ZCCHC4: variants seen among roughly 807,000 people sequenced by gnomAD.
The protein encoded by ZCCHC4 is zinc finger CCHC-type containing 4, also known as rRNA N(6)-adenosine-methyltransferase ZCCHC4.
A neutral mutation model predicts 67.7 loss-of-function variants in ZCCHC4; 54 were observed. The ratio of observed to expected loss-of-function variants is 0.80; its 90% CI spans 0.64 to 1.00. ZCCHC4 has a LOEUF of 1.00. Ranked by LOEUF, ZCCHC4 falls within the 50% of genes least tolerant of loss-of-function variation. The probability of loss-of-function intolerance (pLI) is 0.00; values close to 1 mark genes in which losing one functional copy is unlikely to be tolerated. For synonymous variants in ZCCHC4, 198 were observed against 213.5 expected, an observed-to-expected ratio of 0.93 and a Z score of 0.63; for missense variants, 609 against 617.0, an observed-to-expected ratio of 0.99 and a Z score of 0.14.
At chr4:25,334,116 G>A (rs1298264427) in intron 5 of ZCCHC4, 128 bp downstream of exon 5, 1 of 538,498 alleles carries the variant, frequency 1.9e-6, no homozygotes, top group Non-Finnish European at 3.0e-6. Flanking sequence ...TTTGTTATGA[G>A]GAAACTTTTT....
chr4:25,313,368 T>C (rs1381392218), intron 1 of ZCCHC4, among the ~76,000 whole-genome samples: 1 of 152,176 alleles, frequency 6.6e-6, no homozygotes, highest in Non-Finnish European at 1.5e-5. Flanking sequence ...AGCTCAAAGC[T>C]CAGGTTTTCA....
rs756557602 is a variant in ZCCHC4, at chr4:25,333,423, C to T, written c.570C>T (p.Leu190=). ...CQFLVDLLSA[L]GFRRVLCVGT... ...TCTTGGTAGACTTACTTTCTGCCCT[C>T]GGATTCAGAAGAGTACTGTGTGTTG... The change falls in exon 4 of 13, where the codon CTC becomes CTT. Residue 190 remains leucine, a synonymous_variant. Transcript: ENST00000302874. The T allele has an allele frequency of 5.6e-6, 9 of 1,613,980 alleles. No homozygotes were observed. The highest frequency in any genetic ancestry group is 4.0e-5 in the African/African-American group (3 of 74,918).
At position 25,320,504 on chromosome 4, in the gene ZCCHC4, C is replaced by A. The variant is rs543768877; in HGVS notation, c.329+5104C>A. Among the ~76,000 whole-genome samples, 4 of 152,236 alleles carry A rather than the reference C, an allele frequency of 2.6e-5. No homozygotes were observed. In the South Asian group the frequency reaches 8.3e-4, roughly 32 times the overall value. Reference sequence around the variant, plus strand: ...TAAAAATGACATTTCAAAATGCTAGCCTGCAATTTGTGAATCATGCTGAGC... The same window carrying A: ...TAAAAATGACATTTCAAAATGCTAGACTGCAATTTGTGAATCATGCTGAGC... On this transcript the variant is annotated intron_variant, in intron 3 of 12. Transcript: ENST00000302874.
In ZCCHC4 at chr4:25,312,815, G is replaced by A. The variant is rs750036484; in HGVS notation, c.6G>A (p.Ala2=). 2.2e-5 allele frequency: 35 copies of A among 1,613,060 alleles called. No individual in the cohort carries two copies. Among genetic ancestry groups the A allele is most frequent in the Non-Finnish European group, 8.5e-6 (10 of 1,179,984 alleles). Residue 2 remains alanine (A), a synonymous_variant, in exon 1 of 13, where the codon GCG becomes GCA. Coordinates refer to ENST00000302874, the MANE Select transcript of ZCCHC4 (RefSeq NM_024936.3). M[A]ASRNGFEAVE... ...TTCGGGACGGCGGCGGGAAGATGGCGGCCTCCAGGAATGGGTTTGAAGCCG... is the reference window on the plus strand; with the variant it reads ...TTCGGGACGGCGGCGGGAAGATGGCAGCCTCCAGGAATGGGTTTGAAGCCG...
chr4:25,322,313 A>G (rs316771), intron 3 of ZCCHC4, among the ~76,000 whole-genome samples: 126,211 of 152,038 alleles, frequency 0.83, 52,740 homozygotes, highest in African/African-American at 0.92. Flanking sequence ...AGGAAACCTC[A>G]TGCCTGTCAG....
intron 2 of ZCCHC4, among the ~76,000 whole-genome samples, chr4:25,314,633 C>T (rs1718154856): frequency 6.6e-6 from 1 of 152,184 alleles, no homozygotes; most frequent in African/African-American, 2.4e-5. Context: ...CAAGCACTGT[C>T]TGTCTTAGAA....
intron 2 of ZCCHC4, among the ~76,000 whole-genome samples, chr4:25,314,776 A>G (rs990032014): frequency 6.6e-6 from 1 of 152,210 alleles, no homozygotes; most frequent in Non-Finnish European, 1.5e-5. Flanking sequence ...CATTCAGTCG[A>G]TAGCACCGTT....
intron 8 of ZCCHC4, among the ~76,000 whole-genome samples, chr4:25,353,534 C>T (rs191888166): frequency 7.2e-5 from 11 of 152,288 alleles, no homozygotes; most frequent in East Asian, 1.9e-4. Flanking sequence ...ACTACGTAAA[C>T]GGGTTCTAGT....
intron 6 of ZCCHC4, among the ~76,000 whole-genome samples, chr4:25,346,286 G>A (rs886883479): frequency 4.0e-5 from 6 of 151,824 alleles, no homozygotes; most frequent in African/African-American, 1.2e-4. Context: ...TCAATTTGAG[G>A]TTAATAATGT....
At chr4:25,329,667 T>C (rs1719078993) in intron 3 of ZCCHC4, among the ~76,000 whole-genome samples, 1 of 151,766 alleles carries the variant, frequency 6.6e-6, no homozygotes, top group African/African-American at 2.4e-5. Context: ...CCCGAGTAGC[T>C]GGGACTATAG....
At chr4:25,340,695 GT>G (rs1214337484) in intron 5 of ZCCHC4, among the ~76,000 whole-genome samples, 1 of 152,056 alleles carries the variant, frequency 6.6e-6, no homozygotes, top group Non-Finnish European at 1.5e-5. Context: ...CAGTATGTAA[GT>G]TTTGTGCTTC....
intron 5 of ZCCHC4, among the ~76,000 whole-genome samples, chr4:25,340,187 T>A (rs569684815): frequency 6.6e-6 from 1 of 152,126 alleles, no homozygotes; most frequent in Non-Finnish European, 1.5e-5. Flanking sequence ...TTATTTATTG[T>A]ATGAGGTAGG....
At chr4:25,350,443 A>G (rs1720251832) in intron 7 of ZCCHC4, among the ~76,000 whole-genome samples, 1 of 151,416 alleles carries the variant, frequency 6.6e-6, no homozygotes, top group African/African-American at 2.4e-5. Context: ...TTTCCCCTGT[A>G]TTTTTAGTAG....
At chr4:25,361,785 T>C (rs1720748419) in intron 8 of ZCCHC4, 74 bp from the exon 9 acceptor site, 1 of 1,430,868 alleles carries the variant, frequency 7.0e-7, no homozygotes, top group Non-Finnish European at 9.5e-7. Flanking sequence ...AGTTTGTTCG[T>C]TTATTGGTTA....
chr4:25,334,618 C>T (rs181366561), intron 5 of ZCCHC4, among the ~76,000 whole-genome samples: 2 of 152,298 alleles, frequency 1.3e-5, no homozygotes, highest in South Asian at 2.1e-4. Context: ...ATACCTTTAA[C>T]TTATAACATG....
In ZCCHC4 at chr4:25,344,017, A is replaced by G. The variant is rs529981147; in HGVS notation, c.687-1531A>G. On this transcript the variant is annotated intron_variant, in intron 5 of 12. Transcript: ENST00000302874. ...GATAACAAAAAGGTTTCTATATTAT[A>G]TGGAAAACTGAGAAATCAGCAACGC... Among the ~76,000 whole-genome samples, 7 of 152,338 alleles carry G rather than the reference A, an allele frequency of 4.6e-5. No individual in the cohort carries two copies. The East Asian group carries it at 7.7e-4, about 17-fold the overall frequency.
At chr4:25,346,670 A>T (rs529548362) in intron 6 of ZCCHC4, among the ~76,000 whole-genome samples, 17 of 152,290 alleles carry the variant, frequency 1.1e-4, no homozygotes, top group Non-Finnish European at 2.1e-4. Flanking sequence ...TAGCATTGGG[A>T]TATATATTAA....
At chr4:25,327,410 T>TTCCCTCCC (rs1369437087) in intron 3 of ZCCHC4, among the ~76,000 whole-genome samples, 26 of 114,696 alleles carry the variant, frequency 2.3e-4, no homozygotes, top group Non-Finnish European at 2.9e-4. Context: ...CCTTCCCTCC[T>TTCCCTCCC]TCCCTCCTTC....
At chr4:25,342,453 A>G (rs1719800260) in intron 5 of ZCCHC4, among the ~76,000 whole-genome samples, 1 of 152,198 alleles carries the variant, frequency 6.6e-6, no homozygotes, top group Non-Finnish European at 1.5e-5. Context: ...ACATTTGCTA[A>G]GATGGATTTC....
Sources: gnomAD v4.1 joint callset for allele counts (sites outside exome capture counted in the v4.1 genomes callset) on GRCh38, gnomAD v4.1.1 for gene constraint, MANE v1.5 for transcripts, NCBI Gene and HGNC (gene_info 2026-07-23, HGNC 2026-07-21) for gene names.